Variants in TIAM1 observed in about 807,000 individuals in gnomAD.
TIAM1 encodes the protein rho guanine nucleotide exchange factor TIAM1.
TIAM1 carries 65 observed loss-of-function variants against 163.5 expected under a neutral mutation model. The observed-to-expected ratio is 0.40, with a 90% confidence interval of 0.33 to 0.49. The LOEUF (loss-of-function observed/expected upper bound fraction) is 0.49, where lower values mean the gene tolerates loss of function less well. Among genes scored for constraint, TIAM1 ranks in the 20% least tolerant of loss-of-function variants. The pLI is 0.77. For synonymous variants in TIAM1, 833 were observed against 810.1 expected (o/e 1.03, Z -0.48); for missense variants, 1,789 against 2,044.7 (o/e 0.87, Z 2.41).
At chr21:31,195,608 T>A (rs1276071679) in intron 12 of TIAM1, among the ~76,000 whole-genome samples, 2 of 152,216 alleles carry the variant, frequency 1.3e-5, no homozygotes, top group East Asian at 3.9e-4. Context: ...GATCTCTAGT[T>A]GTGGGGAGAA....
intron 1 of TIAM1, among the ~76,000 whole-genome samples, chr21:31,520,941 A>G (rs2047558891): frequency 6.6e-6 from 1 of 152,238 alleles, no homozygotes; most frequent in Non-Finnish European, 1.5e-5. Context: ...AGGTAACCGT[A>G]AATCCTGCAA....
At chr21:31,447,845 C>T (rs1446961688) in intron 2 of TIAM1, among the ~76,000 whole-genome samples, 2 of 152,074 alleles carry the variant, frequency 1.3e-5, no homozygotes, top group Non-Finnish European at 2.9e-5. Context: ...GGAATTGGCT[C>T]GTGTGATTAT....
intron 1 of TIAM1, among the ~76,000 whole-genome samples, chr21:31,485,640 C>G (rs2046247089): frequency 6.6e-6 from 1 of 152,164 alleles, no homozygotes; most frequent in African/African-American, 2.4e-5. Context: ...TCCTCAGAGA[C>G]AGCCTGCCCT....
intron 1 of TIAM1, among the ~76,000 whole-genome samples, chr21:31,475,160 C>T (rs1204286693): frequency 6.6e-6 from 1 of 151,808 alleles, no homozygotes. Flanking sequence ...TCAGGTGATT[C>T]TCCCACCTCA....
At chr21:31,424,276 C>T (rs2043702756) in intron 2 of TIAM1, among the ~76,000 whole-genome samples, 1 of 152,134 alleles carries the variant, frequency 6.6e-6, no homozygotes. Flanking sequence ...AAAACTGAGA[C>T]TCAGAAGTTC....
chr21:31,125,078 A>G (rs1167306377), intron 26 of TIAM1, among the ~76,000 whole-genome samples: 2 of 152,180 alleles, frequency 1.3e-5, no homozygotes, highest in African/African-American at 4.8e-5. Context: ...GAGCACCCAA[A>G]GGCCGACGTC....
chr21:31,144,191 GA>G (rs779891992), intron 20 of TIAM1, among the ~76,000 whole-genome samples: 12 of 152,210 alleles, frequency 7.9e-5, no homozygotes, highest in Non-Finnish European at 1.6e-4. Context: ...AGGACACTGG[GA>G]AGAGTGGCCG....
rs112993067 is a variant in TIAM1, at chr21:31,308,519, T to C, written c.-189+30724A>G. Among the ~76,000 whole-genome samples the C allele has an allele frequency of 4.8e-3, 733 of 151,970 alleles. 3 individuals are homozygous for C. Among genetic ancestry groups the C allele is most frequent in the Non-Finnish European group, 7.8e-3 (533 of 67,966 alleles). ...ATTTTAAACATTTCATAATTTAATCTACATTTACTATATTCTAAATGCTTC... is the reference window on the plus strand; with the variant it reads ...ATTTTAAACATTTCATAATTTAATCCACATTTACTATATTCTAAATGCTTC... On this transcript the variant is annotated intron_variant, in intron 2 of 27. Transcript: ENST00000541036.
At chr21:31,443,299 C>T (rs1225398118) in intron 2 of TIAM1, among the ~76,000 whole-genome samples, 1 of 152,116 alleles carries the variant, frequency 6.6e-6, no homozygotes, top group Non-Finnish European at 1.5e-5. Flanking sequence ...GCCAGCTCCC[C>T]AGATATTATA....
At chr21:31,209,992 T>G in intron 11 of TIAM1, 53 bp downstream of exon 11, 1 of 1,563,426 alleles carries the variant, frequency 6.4e-7, no homozygotes, top group Admixed American at 1.9e-5. Context: ...CTTAGAAGAT[T>G]GCTACACCCC....
At chr21:31,187,317 A>G (rs2085349602) in intron 13 of TIAM1, among the ~76,000 whole-genome samples, 1 of 152,194 alleles carries the variant, frequency 6.6e-6, no homozygotes, top group South Asian at 2.1e-4. Flanking sequence ...ATTACCTACC[A>G]ATCAACTCAA....
chr21:31,375,617 T>C (rs142412507), intron 2 of TIAM1, among the ~76,000 whole-genome samples: 174 of 152,314 alleles, frequency 1.1e-3, no homozygotes, highest in African/African-American at 3.8e-3. Context: ...TCTTCTTATA[T>C]CAAAAAAGCC....
intron 2 of TIAM1, among the ~76,000 whole-genome samples, chr21:31,388,198 C>T (rs554017165): frequency 2.7e-5 from 4 of 148,886 alleles, no homozygotes; most frequent in East Asian, 2.0e-4. Flanking sequence ...CTTTATCCAA[C>T]GCAAGAAGAC....
intron 2 of TIAM1, among the ~76,000 whole-genome samples, chr21:31,380,038 C>A (rs1489452266): frequency 6.6e-6 from 1 of 151,912 alleles, no homozygotes; most frequent in African/African-American, 2.4e-5. Flanking sequence ...CTAAGGCAGG[C>A]GGATCATTTG....
chr21:31,217,455 TA>T (rs1241902848), intron 9 of TIAM1, 97 bp downstream of exon 9: 200 of 1,490,680 alleles, frequency 1.3e-4, no homozygotes, highest in Non-Finnish European at 1.6e-4. Context: ...TGATTTTAAA[TA>T]ACACTCGGCC....
At position 31,223,679 on chromosome 21, in the gene TIAM1, T is replaced by C. The variant is rs2087764900; in HGVS notation, c.1810-88A>G. ...TTATCCTATACAGATCTATATGTCG[T>C]AAAGGCATTCATTATAATCCTAAGG... On this transcript the variant is annotated intron_variant, in intron 7 of 27. Coordinates refer to ENST00000541036, the MANE Select transcript of TIAM1 (RefSeq NM_001353694.2). The C allele has an allele frequency of 3.0e-6, 4 of 1,319,354 alleles. No individual in the cohort carries two copies. The South Asian group carries it at 7.4e-5, about 24-fold the overall frequency. The allele number at this position is 1,319,354 out of a possible 1,614,324, so 81.7% of individuals were successfully genotyped here.
chr21:31,548,613 A>C (rs2048581794), intron 1 of TIAM1, among the ~76,000 whole-genome samples: 1 of 150,046 alleles, frequency 6.7e-6, no homozygotes, highest in African/African-American at 2.5e-5. Context: ...TCAGCCTCCC[A>C]AGTAGCTGGG....
chr21:31,197,527 C>G, intron 12 of TIAM1, among the ~76,000 whole-genome samples: 1 of 143,804 alleles, frequency 7.0e-6, no homozygotes, highest in South Asian at 2.2e-4. Context: ...AGGCGCCCGC[C>G]ACCGCGCCCG....
chr21:31,195,224 C>G lies in TIAM1; in HGVS notation c.2575G>C (p.Gly859Arg), dbSNP rs1456032451. ...EKSDTAADTY[G>R]FSLSSVEEDG... ...CACAAACAAAGAAAAATAAACTTAC[C>G]GTAAGTATCAGCAGCTGTATCTGAC... is the stretch of plus-strand genomic sequence containing the variant. Residue 859 changes from glycine to arginine, a missense_variant and splice_region_variant, in exon 13 of 28, where the codon GGG (glycine) becomes CGG (arginine). Gly to Arg is a moderately radical substitution (Grantham distance 125). This residue lies in a region of TIAM1 where 456 missense variants were observed against 586.6 expected (regional missense o/e 0.78). Transcript: ENST00000541036. The G allele has an allele frequency of 6.2e-7, 1 of 1,607,096 alleles. No homozygotes were observed. The highest frequency in any genetic ancestry group is 1.1e-5 in the South Asian group (1 of 90,540).
Sources: gnomAD v4.1 joint callset for allele counts (sites outside exome capture counted in the v4.1 genomes callset) on GRCh38, gnomAD v4.1.1 for gene constraint, gnomAD v4.1.1 regional missense constraint, MANE v1.5 for transcripts, NCBI Gene and HGNC (gene_info 2026-07-23, HGNC 2026-07-21) for gene names.